The following GGT5 variants were observed in gnomAD, a reference collection of about 807,000 sequenced individuals.
GGT5 encodes the protein gamma-glutamyltransferase 5.
A neutral mutation model predicts 58.1 loss-of-function variants in GGT5; 50 were observed. The ratio of observed to expected loss-of-function variants is 0.86; its 90% CI spans 0.69 to 1.09. GGT5 has a LOEUF of 1.09. GGT5 is among the 50% of genes least tolerant of loss of function. GGT5 has a pLI of 0.00. For missense variants in GGT5, 800 were observed against 789.4 expected (o/e 1.01, Z -0.16); for synonymous variants, 370 against 346.1 (o/e 1.07, Z -0.77).
chr22:24,234,928 G>T (rs1049162820), intron 1 of GGT5, among the ~76,000 whole-genome samples: 1 of 152,090 alleles, frequency 6.6e-6, no homozygotes, highest in African/African-American at 2.4e-5. Flanking sequence ...ACTGAGGGCT[G>T]GTCAGCCTGG....
Position 24,225,581 on chromosome 22 carries a change from C to T in GGT5, c.1301G>A (p.Arg434Gln), listed in dbSNP as rs759124656. ...GGTGGTGCCGGAACCCCGGGGGCAT[C>T]GCTCGCATAAGTCCAGGAGCTCGTT... The part of the protein sequence containing the change: ...LNNELLDLCE[R>Q]CPRGSGTTPS... Residue 434 changes from arginine to glutamine, a missense_variant, in exon 9 of 12, where the codon CGA becomes CAA. Arg to Gln is a conservative substitution (Grantham distance 43). Transcript: ENST00000327365. The T allele has an allele frequency of 5.6e-6, 9 of 1,612,976 alleles. No homozygotes were observed. The highest frequency in any genetic ancestry group is 5.3e-5 in the African/African-American group (4 of 74,896).
intron 1 of GGT5, among the ~76,000 whole-genome samples, chr22:24,234,359 G>A (rs2048038410): frequency 6.6e-6 from 1 of 152,178 alleles, no homozygotes; most frequent in South Asian, 2.1e-4. Context: ...GTGGCCTCAG[G>A]AGCCCACCCT....
At chr22:24,244,319 A>ACACC (rs1569379066) in intron 1 of GGT5, 18 of 516,548 alleles carry the variant, frequency 3.5e-5, no homozygotes, top group Admixed American at 1.7e-4. Flanking sequence ...ACACACACCC[A>ACACC]CCCACACATA....
At chr22:24,227,785 G>A (rs1246074471) in intron 6 of GGT5, among the ~76,000 whole-genome samples, 1 of 151,920 alleles carries the variant, frequency 6.6e-6, no homozygotes, top group South Asian at 2.1e-4. Flanking sequence ...GCGGCAGCCA[G>A]CCACAGTGGC....
chr22:24,226,403 C>G, intron 7 of GGT5, 137 bp from the exon 8 acceptor site: 1 of 781,018 alleles, frequency 1.3e-6, no homozygotes, highest in South Asian at 1.8e-5. Context: ...CCCTCAAGCC[C>G]AGCTAGGTCT....
chr22:24,238,943 TATA>T, intron 1 of GGT5, among the ~76,000 whole-genome samples: 1 of 39,086 alleles, frequency 2.6e-5, no homozygotes, highest in African/African-American at 9.9e-5. Context: ...TTATATAATA[TATA>T]TATATATATA....
chr22:24,233,812 A>G, intron 2 of GGT5, 62 bp downstream of exon 2: 1 of 1,498,966 alleles, frequency 6.7e-7, no homozygotes, highest in Non-Finnish European at 9.2e-7. Context: ...TGGCTGGAGA[A>G]GGGGTTACGC....
chr22:24,238,897 ATATATATAT>A (rs1185827024), intron 1 of GGT5, among the ~76,000 whole-genome samples: 7 of 12,506 alleles, frequency 5.6e-4, no homozygotes, highest in East Asian at 2.7e-3. Context: ...TATTTTATAT[ATATATATAT>A]TATATATATT....
At chr22:24,239,405 A>G (rs2048269383) in intron 1 of GGT5, among the ~76,000 whole-genome samples, 1 of 152,166 alleles carries the variant, frequency 6.6e-6, no homozygotes, top group East Asian at 1.9e-4. Flanking sequence ...TTGGTATAAA[A>G]TTATAGTAGT....
At chr22:24,241,944 G>A (rs535039933) in intron 1 of GGT5, 2 of 151,448 alleles carry the variant, frequency 1.3e-5, no homozygotes, top group East Asian at 3.9e-4. Context: ...AGCCTCCCAA[G>A]TAGCTGGGAT....
chr22:24,220,006 C>T lies in GGT5; in HGVS notation c.1725G>A (p.Ser575=), dbSNP rs564749492. Residue 575 remains serine, a synonymous_variant, in exon 12 of 12, where the codon TCG becomes TCA. Coordinates refer to ENST00000327365, the MANE Select transcript of GGT5 (RefSeq NM_004121.5). ...SQEGACVYAV[S]DLRKSGEAAG... is the part of the protein sequence containing the mutation. ...CGGCCTCCCCACTCTTCCTCAGGTC[C>T]GAGACGGCGTACACACAGGCCCCCT... 5.5e-5 allele frequency: 88 copies of T among 1,614,112 alleles called. No homozygotes were observed. Among genetic ancestry groups the T allele is most frequent in the Middle Eastern group, 1.7e-4 (1 of 6,060 alleles).
chr22:24,225,300 G>C lies in GGT5; in HGVS notation c.1448C>G (p.Ser483Trp). The C allele has an allele frequency of 6.2e-7, 1 of 1,614,042 alleles. No individual in the cohort carries two copies. Among genetic ancestry groups the C allele is most frequent in the Non-Finnish European group, 8.5e-7 (1 of 1,179,962 alleles). Residue 483 changes from serine (S) to tryptophan (W), a missense_variant, in exon 10 of 12, where the codon TCG becomes TGG. Physicochemically the swap from Ser to Trp is radical, Grantham distance 177. Transcript: ENST00000327365. ...PSILINKAQG[S>W]KLVIGGAGGE... is the part of the protein sequence containing the mutation. Reference sequence around the variant, plus strand: ...GCCAGCCCCGCCAATCACTAGCTTCGACCCCTGGGCTTTGTTGATCAAGAT... The same window carrying C: ...GCCAGCCCCGCCAATCACTAGCTTCCACCCCTGGGCTTTGTTGATCAAGAT...
chr22:24,223,269 GC>G (rs566192965), intron 11 of GGT5, among the ~76,000 whole-genome samples: 3 of 152,076 alleles, frequency 2.0e-5, no homozygotes, highest in Non-Finnish European at 4.4e-5. Flanking sequence ...AGGTGTGGTG[GC>G]GCACATGTGT....
At position 24,220,073 on chromosome 22, in the gene GGT5, T is replaced by C; in HGVS notation, c.1658A>G (p.Gln553Arg). 1 of 1,614,204 alleles carries C rather than the reference T, an allele frequency of 6.2e-7. No homozygotes were observed. The highest frequency in any genetic ancestry group is 8.5e-7 in the Non-Finnish European group (1 of 1,180,016). ...GACCACGTTCAGGAAGAAGGGCCTC[T>C]GGGTCTGGTTCTGGCCACGGTCTTG... ...GLQDRGQNQT[Q>R]RPFFLNVVQA... The change falls in exon 12 of 12, where the codon CAG becomes CGG. Residue 553 changes from glutamine to arginine, a missense_variant. Physicochemically the swap from Gln to Arg is conservative, Grantham distance 43 (BLOSUM62 1). Transcript: ENST00000327365.
Position 24,232,129 on chromosome 22 carries a change from T to A in GGT5, c.676A>T (p.Thr226Ser), listed in dbSNP as rs2148914794. The stretch of plus-strand genomic sequence containing the variant: ...ACCTCCACGCCCTCTGTGGCCACGG[T>A]CTCCAGGGTGGTGGCCAGTGCAGGC... ...PWPALATTLE[T>S]VATEGVEVFY... The change falls in exon 5 of 12, where the codon ACC becomes TCC. Residue 226 changes from threonine to serine, a missense_variant. Thr to Ser is a moderately conservative substitution (Grantham distance 58, BLOSUM62 1). Coordinates refer to ENST00000327365, the MANE Select transcript of GGT5 (RefSeq NM_004121.5). The A allele has an allele frequency of 6.2e-7, 1 of 1,606,806 alleles. No individual in the cohort carries two copies. The highest frequency in any genetic ancestry group is 1.3e-5 in the African/African-American group (1 of 74,742).
rs556769286 is a variant in GGT5, at chr22:24,238,228, CAAA to C, written c.174-4227_174-4225del. On this transcript the variant is annotated intron_variant, in intron 1 of 11. Transcript: ENST00000327365. Reference sequence around the variant, plus strand: ...TGGGGGACAGAGTGAGGCTCCGTCTCAAAAAAAAAAAAAAAAAAAGGCCAGGCG... The same window carrying C: ...TGGGGGACAGAGTGAGGCTCCGTCTCAAAAAAAAAAAAAAAAGGCCAGGCG... Among the ~76,000 whole-genome samples, 288 of 42,596 alleles carry C rather than the reference CAAA, an allele frequency of 6.8e-3. 3 individuals are homozygous for C. The highest frequency in any genetic ancestry group is 3.9e-3 in the Non-Finnish European group (82 of 20,874). The allele number at this position is 42,596 out of a possible 152,430, so 27.9% of individuals were successfully genotyped here.
intron 1 of GGT5, chr22:24,241,572 T>C (rs1252687008): frequency 6.6e-6 from 1 of 152,206 alleles, no homozygotes; most frequent in Non-Finnish European, 1.5e-5. Context: ...TGACTGTCAG[T>C]GTTAATCACA....
At chr22:24,227,816 CTT>C (rs2047812151) in intron 6 of GGT5, among the ~76,000 whole-genome samples, 1 of 151,694 alleles carries the variant, frequency 6.6e-6, no homozygotes, top group Admixed American at 6.6e-5. Flanking sequence ...AGTCCCAGCA[CTT>C]TGGGAGGCCG....
intron 9 of GGT5, 59 bp from the exon 10 acceptor site, chr22:24,225,470 C>T (rs2047724853): frequency 1.2e-6 from 2 of 1,601,766 alleles, no homozygotes; most frequent in Non-Finnish European, 8.6e-7. Flanking sequence ...TAGCATGCAA[C>T]CCCAGCCCAG....
Sources: gnomAD v4.1 joint callset for allele counts (sites outside exome capture counted in the v4.1 genomes callset) on GRCh38, gnomAD v4.1.1 for gene constraint, MANE v1.5 for transcripts, NCBI Gene and HGNC (gene_info 2026-07-23, HGNC 2026-07-21) for gene names.